Variants in HHIP observed in about 807,000 individuals in gnomAD.
HHIP encodes hedgehog interacting protein, also known as hedgehog-interacting protein.
Under a neutral mutation model 74.0 loss-of-function variants are expected in HHIP, and 12 were observed. That is an observed-to-expected ratio of 0.16 (90% confidence interval 0.10 to 0.26). The LOEUF (loss-of-function observed/expected upper bound fraction) is 0.26. Among genes scored for constraint, HHIP ranks in the 10% least tolerant of loss-of-function variants. The pLI is 1.00. For missense variants in HHIP, 788 were observed against 845.0 expected (o/e 0.93, Z 0.84); for synonymous variants, 309 against 311.6 (o/e 0.99, Z 0.09).
At chr4:144,708,061 A>T in intron 6 of HHIP, 107 bp from the exon 7 acceptor site, 1 of 1,194,162 alleles carries the variant, frequency 8.4e-7, no homozygotes, top group Non-Finnish European at 1.2e-6. Context: ...ATTTTATTTC[A>T]ACTAAGGGGA....
At chr4:144,673,580 T>A (rs1270526750) in intron 4 of HHIP, among the ~76,000 whole-genome samples, 1 of 152,180 alleles carries the variant, frequency 6.6e-6, no homozygotes, top group Non-Finnish European at 1.5e-5. Flanking sequence ...TATGATTATT[T>A]TTTAAAGGAT....
intron 4 of HHIP, among the ~76,000 whole-genome samples, chr4:144,695,895 C>T (rs957887901): frequency 2.0e-5 from 3 of 151,800 alleles, no homozygotes; most frequent in Admixed American, 2.0e-4. Context: ...ATGTCCATGC[C>T]TGCAATTTTC....
At chr4:144,677,243 A>G (rs1294512589) in intron 4 of HHIP, among the ~76,000 whole-genome samples, 4 of 152,220 alleles carry the variant, frequency 2.6e-5, no homozygotes, top group Non-Finnish European at 4.4e-5. Context: ...CTCAAAAGAA[A>G]TGAAAAATGA....
intron 2 of HHIP, among the ~76,000 whole-genome samples, chr4:144,656,648 C>T: frequency 6.6e-6 from 1 of 152,098 alleles, no homozygotes; most frequent in Non-Finnish European, 1.5e-5. Flanking sequence ...AACTATATTT[C>T]TCACTCACAT....
intron 4 of HHIP, among the ~76,000 whole-genome samples, chr4:144,666,902 TA>T (rs1221356440): frequency 3.3e-5 from 5 of 152,212 alleles, no homozygotes; most frequent in African/African-American, 9.7e-5. Flanking sequence ...TCACACCTAA[TA>T]TTTTGCATGC....
chr4:144,727,649 T>C (rs1730840195), intron 11 of HHIP, among the ~76,000 whole-genome samples: 1 of 152,214 alleles, frequency 6.6e-6, no homozygotes, highest in Non-Finnish European at 1.5e-5. Flanking sequence ...TATTATTTAG[T>C]TTCATTAATC....
chr4:144,666,443 T>C (rs2126599212), intron 4 of HHIP, among the ~76,000 whole-genome samples: 1 of 152,322 alleles, frequency 6.6e-6, no homozygotes. Context: ...AAGTCCTTAC[T>C]TTCATAGTCA....
Position 144,740,151 on chromosome 4 carries a change from A to C in HHIP, c.*2194A>C, listed in dbSNP as rs1168877658. The C allele has an allele frequency of 2.0e-5, 3 of 152,188 alleles. No homozygotes were observed. The highest frequency in any genetic ancestry group is 4.4e-5 in the Non-Finnish European group (3 of 68,028). 9.4% of individuals were successfully genotyped at this position (152,188 alleles called of 1,614,324 possible). ...TATTACACATTCTCCAATTCTTCCT[A>C]GTTTCCCTGAAAACAATAAGGATAC... On this transcript the variant is annotated 3_prime_UTR_variant, in exon 13 of 13. Transcript: ENST00000296575.
At chr4:144,678,112 G>C (rs1483456160) in intron 4 of HHIP, among the ~76,000 whole-genome samples, 3 of 152,070 alleles carry the variant, frequency 2.0e-5, no homozygotes, top group African/African-American at 7.2e-5. Flanking sequence ...ACTTTAAAAG[G>C]CTTTTGTAAA....
intron 4 of HHIP, among the ~76,000 whole-genome samples, chr4:144,683,567 T>C (rs1729401424): frequency 6.6e-6 from 1 of 152,218 alleles, no homozygotes; most frequent in Admixed American, 6.5e-5. Flanking sequence ...CTTCCACATA[T>C]GTGGATATTA....
At chr4:144,670,126 C>T (rs1458373966) in intron 4 of HHIP, among the ~76,000 whole-genome samples, 2 of 139,892 alleles carry the variant, frequency 1.4e-5, no homozygotes, top group African/African-American at 5.2e-5. Context: ...CCTGGTGACA[C>T]AGTGAGACTC....
chr4:144,715,705 A>G (rs1473836458), intron 10 of HHIP: 2 of 218,168 alleles, frequency 9.2e-6, no homozygotes, highest in African/African-American at 4.5e-5. Context: ...TTTAGTCCTG[A>G]AGAGATAATT....
At chr4:144,698,789 G>T (rs1729894528) in intron 4 of HHIP, among the ~76,000 whole-genome samples, 1 of 152,116 alleles carries the variant, frequency 6.6e-6, no homozygotes, top group Non-Finnish European at 1.5e-5. Context: ...ATTACAAAAT[G>T]AAACAAGATA....
At chr4:144,737,303 C>G (rs746450650) in intron 12 of HHIP, among the ~76,000 whole-genome samples, 13 of 152,128 alleles carry the variant, frequency 8.5e-5, no homozygotes, top group Non-Finnish European at 1.6e-4. Flanking sequence ...CAACCAAAAT[C>G]CAAAACTGAC....
At chr4:144,726,875 G>A (rs1730821086) in intron 11 of HHIP, among the ~76,000 whole-genome samples, 1 of 152,172 alleles carries the variant, frequency 6.6e-6, no homozygotes, top group Non-Finnish European at 1.5e-5. Flanking sequence ...CCACTTTTCA[G>A]AGTTTCACTT....
intron 4 of HHIP, among the ~76,000 whole-genome samples, chr4:144,670,377 C>A (rs1049924641): frequency 1.4e-5 from 2 of 148,080 alleles, no homozygotes; most frequent in African/African-American, 5.0e-5. Context: ...AGTAGAATCA[C>A]TTGAATTTGG....
At chr4:144,692,231 C>G (rs981415774) in intron 4 of HHIP, among the ~76,000 whole-genome samples, 1 of 151,996 alleles carries the variant, frequency 6.6e-6, no homozygotes, top group Admixed American at 6.6e-5. Context: ...TAAATTATTT[C>G]CCCCAAGTCA....
rs545891566 is a variant in HHIP at position 144,711,496 on chromosome 4, C to T, written c.1302-454C>T. On this transcript the variant is annotated intron_variant, in intron 7 of 12. Transcript: ENST00000296575. The stretch of plus-strand genomic sequence containing the variant: ...TAAGGCTCTTCGTCCCCCTGCACCC[C>T]GCCCCCCAACAGGCCCCAGTGTGTG... Among the ~76,000 whole-genome samples the T allele has an allele frequency of 9.2e-5, 14 of 152,180 alleles. 1 individual carries two copies. Among genetic ancestry groups the T allele is most frequent in the Admixed American group, 3.9e-4 (6 of 15,288 alleles).
chr4:144,663,952 G>C (rs889896436), intron 4 of HHIP, among the ~76,000 whole-genome samples: 2 of 152,190 alleles, frequency 1.3e-5, no homozygotes, highest in Non-Finnish European at 2.9e-5. Context: ...TTAAAGGAAG[G>C]ATATGCCCGC....
Sources: allele counts gnomAD v4.1 joint callset (sites outside exome capture counted in the v4.1 genomes callset), GRCh38; gene constraint gnomAD v4.1.1; transcripts MANE v1.5; gene names NCBI Gene and HGNC (gene_info 2026-07-23, HGNC 2026-07-21).